Variants in RNF150 observed in about 807,000 individuals in gnomAD.
RNF150 encodes the protein ring finger protein 150.
In RNF150, 24 loss-of-function variants were observed where a neutral mutation model predicts 39.3. That is an observed-to-expected ratio of 0.61 (90% confidence interval 0.44 to 0.86). The LOEUF is 0.86. Among genes scored for constraint, RNF150 ranks in the 40% least tolerant of loss-of-function variants. RNF150 has a pLI of 0.00. For synonymous variants in RNF150, 255 were observed against 227.3 expected, an observed-to-expected ratio of 1.12 and a Z score of -1.10; for missense variants, 502 against 587.8, an observed-to-expected ratio of 0.85 and a Z score of 1.51.
chr4:140,918,735 AAG>A (rs1356495062), intron 5 of RNF150, among the ~76,000 whole-genome samples: 1 of 31,548 alleles, frequency 3.2e-5, no homozygotes, highest in Admixed American at 4.5e-4. Context: ...ACAACCAAAA[AAG>A]AGAATTTTAG....
intron 1 of RNF150, among the ~76,000 whole-genome samples, chr4:141,181,838 T>C (rs142622155): frequency 3.3e-5 from 5 of 152,320 alleles, no homozygotes; most frequent in African/African-American, 4.8e-5. Flanking sequence ...AAAATATATT[T>C]ATACAGACAG....
chr4:141,090,822 C>T (rs975077672), intron 1 of RNF150, among the ~76,000 whole-genome samples: 12 of 151,908 alleles, frequency 7.9e-5, no homozygotes, highest in African/African-American at 2.4e-4. Flanking sequence ...TTTTTTTTTC[C>T]AGAGAAGCTG....
At chr4:141,090,356 T>A (rs146973683) in intron 1 of RNF150, among the ~76,000 whole-genome samples, 1 of 152,126 alleles carries the variant, frequency 6.6e-6, no homozygotes, top group African/African-American at 2.4e-5. Context: ...ATAACTAATA[T>A]GGCGGATAAC....
At chr4:140,929,820 G>A (rs2111330867) in intron 4 of RNF150, among the ~76,000 whole-genome samples, 1 of 152,190 alleles carries the variant, frequency 6.6e-6, no homozygotes, top group South Asian at 2.1e-4. Context: ...CAACAATCTG[G>A]GTGGGCCTTA....
At chr4:140,972,214 T>C (rs911324731) in intron 1 of RNF150, among the ~76,000 whole-genome samples, 1 of 152,328 alleles carries the variant, frequency 6.6e-6, no homozygotes, top group Middle Eastern at 3.4e-3. Flanking sequence ...GTTGATCATT[T>C]ATTCTCAGGA....
intron 1 of RNF150, among the ~76,000 whole-genome samples, chr4:141,011,561 C>T (rs1483541679): frequency 6.6e-6 from 1 of 152,194 alleles, no homozygotes; most frequent in Non-Finnish European, 1.5e-5. Context: ...ACATTAAGGT[C>T]AAGTATATTT....
rs72724465 is a variant in RNF150 at position 141,098,247 on chromosome 4, A to G, written c.484+34078T>C. On this transcript the variant is annotated intron_variant, in intron 1 of 6. Coordinates refer to ENST00000515673, the MANE Select transcript of RNF150 (RefSeq NM_020724.2). ...ATAATGTGATAAGCAGAAGCAACCC[A>G]AAGTCTATCTCATAAGAAATATTTC... Among the ~76,000 whole-genome samples, 562 of 152,334 alleles carry G rather than the reference A, an allele frequency of 3.7e-3. 2 individuals carry two copies. The highest frequency in any genetic ancestry group is 6.8e-3 in the Middle Eastern group (2 of 294).
rs575089923 is a variant in RNF150 at position 140,861,276 on chromosome 4, C to T, written c.*6985G>A. ...AAGCAGTCCCTTGCTTATAACTGCA[C>T]AAACATTCTAGCCAGAGGCATCTTC... On this transcript the variant is annotated 3_prime_UTR_variant, in exon 7 of 7. Coordinates refer to ENST00000515673, the MANE Select transcript of RNF150 (RefSeq NM_020724.2). 66 of 152,286 alleles carry T rather than the reference C, an allele frequency of 4.3e-4. No individual in the cohort carries two copies. Among genetic ancestry groups the T allele is most frequent in the African/African-American group, 1.6e-3 (65 of 41,558 alleles). The allele number at this position is 152,286 out of a possible 1,614,324, so 9.4% of individuals were successfully genotyped here. A position where few individuals can be genotyped will look rare whatever the true frequency, so the allele number is the denominator to read the frequency against.
intron 1 of RNF150, among the ~76,000 whole-genome samples, chr4:141,102,816 T>C (rs1739060777): frequency 6.6e-6 from 1 of 152,172 alleles, no homozygotes; most frequent in South Asian, 2.1e-4. Flanking sequence ...AATAACTGAA[T>C]AAATAAAAAG....
chr4:141,008,637 T>C (rs533479989), intron 1 of RNF150, among the ~76,000 whole-genome samples: 1 of 152,312 alleles, frequency 6.6e-6, no homozygotes, highest in South Asian at 2.1e-4. Flanking sequence ...ATAACAGACT[T>C]AGCACAATTC....
chr4:140,972,880 A>G (rs1043351283), intron 1 of RNF150, among the ~76,000 whole-genome samples: 1 of 152,160 alleles, frequency 6.6e-6, no homozygotes, highest in Non-Finnish European at 1.5e-5. Flanking sequence ...AATGGGGGAA[A>G]AGCACTGGAA....
At chr4:140,896,459 T>G (rs2111238351) in intron 6 of RNF150, among the ~76,000 whole-genome samples, 3 of 51,764 alleles carry the variant, frequency 5.8e-5, no homozygotes, top group South Asian at 1.8e-3. Flanking sequence ...ACACCGCATA[T>G]TCTCACTCAT....
At chr4:141,108,176 T>TA (rs1446899671) in intron 1 of RNF150, among the ~76,000 whole-genome samples, 3 of 152,196 alleles carry the variant, frequency 2.0e-5, no homozygotes, top group African/African-American at 7.2e-5. Flanking sequence ...GCTTCAGACT[T>TA]AGAGGAGCAC....
intron 4 of RNF150, among the ~76,000 whole-genome samples, chr4:140,931,374 T>C (rs1335043021): frequency 1.3e-5 from 2 of 152,332 alleles, no homozygotes; most frequent in East Asian, 3.9e-4. Flanking sequence ...TTCACAATCA[T>C]TTCTTTTTGG....
intron 5 of RNF150, among the ~76,000 whole-genome samples, chr4:140,918,899 C>G (rs1300864339): frequency 1.3e-5 from 2 of 152,044 alleles, no homozygotes; most frequent in Non-Finnish European, 2.9e-5. Flanking sequence ...ATCAATAATT[C>G]TAATCCAGCA....
chr4:141,188,229 T>C (rs1356462996), intron 1 of RNF150, among the ~76,000 whole-genome samples: 1 of 152,254 alleles, frequency 6.6e-6, no homozygotes, highest in African/African-American at 2.4e-5. Context: ...GTGAGTCTGA[T>C]GGGCTTCCCT....
intron 1 of RNF150, among the ~76,000 whole-genome samples, chr4:141,029,382 A>G (rs1208422093): frequency 1.3e-5 from 2 of 152,226 alleles, no homozygotes; most frequent in Non-Finnish European, 2.9e-5. Context: ...AGGATTTGGC[A>G]TATGAGACAT....
chr4:140,922,549 G>A (rs1731201518), intron 5 of RNF150, among the ~76,000 whole-genome samples: 1 of 151,816 alleles, frequency 6.6e-6, no homozygotes, highest in Admixed American at 6.6e-5. Context: ...ACTGCCCAAG[G>A]TAATTTATAG....
At chr4:140,897,344 T>G (rs1200017827) in intron 6 of RNF150, among the ~76,000 whole-genome samples, 1 of 152,172 alleles carries the variant, frequency 6.6e-6, no homozygotes, top group Non-Finnish European at 1.5e-5. Context: ...GGGCATACGT[T>G]TTGAAACTCT....
Sources: gnomAD v4.1 joint callset for allele counts (sites outside exome capture counted in the v4.1 genomes callset) on GRCh38, gnomAD v4.1.1 for gene constraint, MANE v1.5 for transcripts, NCBI Gene and HGNC (gene_info 2026-07-23, HGNC 2026-07-21) for gene names.